Variants in PCDHA3 observed in about 807,000 individuals in gnomAD.
The protein encoded by PCDHA3 is protocadherin alpha 3, also known as protocadherin alpha-3.
Under a neutral mutation model 62.2 loss-of-function variants are expected in PCDHA3, and 41 were observed. The observed-to-expected ratio is 0.66, with a 90% CI of 0.51 to 0.86. The LOEUF (loss-of-function observed/expected upper bound fraction) is 0.86, where lower values mean the gene tolerates loss of function less well. PCDHA3 is among the 40% of genes least tolerant of loss of function. PCDHA3 has a pLI of 0.00. For missense variants in PCDHA3, 1,304 were observed against 1,241.2 expected, an observed-to-expected ratio of 1.05 and a Z score of -0.76; for synonymous variants, 640 against 555.4, an observed-to-expected ratio of 1.15 and a Z score of -2.14.
chr5:140,841,787 G>T, intron 1 of PCDHA3: 1 of 1,613,878 alleles, frequency 6.2e-7, no homozygotes, highest in Non-Finnish European at 8.5e-7. Flanking sequence ...TCCGCTAGAG[G>T]GCGCGTCCGA....
At chr5:140,894,133 A>G (rs782349927) in intron 1 of PCDHA3, among the ~76,000 whole-genome samples, 14 of 152,166 alleles carry the variant, frequency 9.2e-5, no homozygotes, top group Non-Finnish European at 1.8e-4. Flanking sequence ...ATAACTTGAA[A>G]TAATTCCCTT....
intron 1 of PCDHA3, among the ~76,000 whole-genome samples, chr5:140,970,659 T>C (rs1243959173): frequency 4.6e-5 from 7 of 152,238 alleles, no homozygotes; most frequent in Non-Finnish European, 2.9e-5. Context: ...AATTGTTATC[T>C]TTCCAAATAA....
chr5:140,952,113 G>T (rs2094688731), intron 1 of PCDHA3, among the ~76,000 whole-genome samples: 1 of 151,990 alleles, frequency 6.6e-6, no homozygotes. Flanking sequence ...TCGTGTGAGG[G>T]ATGGGCTCCC....
At chr5:140,830,057 G>A (rs2150180399) in intron 1 of PCDHA3, 3 of 1,613,632 alleles carry the variant, frequency 1.9e-6, no homozygotes, top group Non-Finnish European at 2.5e-6. Flanking sequence ...AGACCACGGT[G>A]AGCCGGCGCT....
chr5:140,962,047 C>T (rs1288087343), intron 1 of PCDHA3, among the ~76,000 whole-genome samples: 2 of 151,982 alleles, frequency 1.3e-5, no homozygotes, highest in South Asian at 2.1e-4. Context: ...CCATGCCTGG[C>T]TAATTTTTTT....
At chr5:140,811,593 T>A (rs1204851199) in intron 1 of PCDHA3, 3 of 152,262 alleles carry the variant, frequency 2.0e-5, no homozygotes, top group African/African-American at 7.2e-5. Context: ...CCACAATGGT[T>A]GAACTAGTTT....
At chr5:140,973,921 C>T (rs1407436010) in intron 1 of PCDHA3, among the ~76,000 whole-genome samples, 1 of 152,210 alleles carries the variant, frequency 6.6e-6, no homozygotes, top group Non-Finnish European at 1.5e-5. Context: ...TGTCACCAAA[C>T]CCAGAGGTTT....
intron 1 of PCDHA3, among the ~76,000 whole-genome samples, chr5:140,905,211 G>A (rs1554191947): frequency 6.6e-6 from 1 of 152,130 alleles, no homozygotes; most frequent in Non-Finnish European, 1.5e-5. Flanking sequence ...GTTGATTTTT[G>A]TGTAAGGTGA....
intron 3 of PCDHA3, among the ~76,000 whole-genome samples, chr5:140,983,911 G>A (rs546792762): frequency 6.6e-6 from 1 of 152,290 alleles, no homozygotes; most frequent in East Asian, 1.9e-4. Flanking sequence ...ATTCTAATCA[G>A]CCAGGATTTG....
Position 140,853,522 on chromosome 5 carries a change from C to T in PCDHA3, c.2394+49931C>T, listed in dbSNP as rs1217727658. Reference sequence around the variant, plus strand: ...TCATGAAACAATAATGAAGCTCCTCCTATGTCTCTTTTCAAGTTGTAATTA... The same window carrying T: ...TCATGAAACAATAATGAAGCTCCTCTTATGTCTCTTTTCAAGTTGTAATTA... On this transcript the variant is annotated intron_variant, in intron 1 of 3. Coordinates refer to ENST00000522353, the MANE Select transcript of PCDHA3 (RefSeq NM_018906.3). 4.1e-6 allele frequency: 4 copies of T among 977,898 alleles called. No homozygotes were observed. In the African/African-American group the frequency reaches 5.3e-5, roughly 13 times the overall value. The allele number at this position is 977,898 out of a possible 1,614,324, so 60.6% of individuals were successfully genotyped here.
chr5:140,877,706 T>TG (rs781796819), intron 1 of PCDHA3: 16 of 1,613,800 alleles, frequency 9.9e-6, no homozygotes, highest in Non-Finnish European at 1.4e-5. Context: ...TCCAGCGCCG[T>TG]GGGGAGTTGG....
intron 1 of PCDHA3, chr5:140,808,431 G>A (rs1554124539): frequency 6.2e-7 from 1 of 1,614,140 alleles, no homozygotes; most frequent in South Asian, 1.1e-5. Flanking sequence ...GCCCTGGACC[G>A]CGAGAGCGTG....
chr5:140,829,651 G>A (rs2150172119), intron 1 of PCDHA3: 1 of 1,612,432 alleles, frequency 6.2e-7, no homozygotes, highest in South Asian at 1.1e-5. Flanking sequence ...TGTACGCGCT[G>A]CAGCCGCTGG....
intron 1 of PCDHA3, chr5:140,850,214 T>A (rs1554143992): frequency 6.3e-7 from 1 of 1,593,328 alleles, no homozygotes; most frequent in African/African-American, 1.3e-5. Flanking sequence ...TGAGGGGCAC[T>A]GACGGCGCAG....
rs75203598 is a variant in PCDHA3, at chr5:140,915,428, C to T, written c.2395-63521C>T. 8.0e-3 allele frequency among the ~76,000 whole-genome samples: 1,217 copies of T among 152,162 alleles called. 6 individuals are homozygous for T. The highest frequency in any genetic ancestry group is 0.019 in the African/African-American group (786 of 41,514). On this transcript the variant is annotated intron_variant, in intron 1 of 3. Transcript: ENST00000522353. The stretch of plus-strand genomic sequence containing the variant: ...TCTTTGCAGTCTGGGCTTGTTTATC[C>T]CTGTCCTTCTTGAGAAGGTTTTCCA...
intron 1 of PCDHA3, chr5:140,814,803 A>C (rs1554126605): frequency 1.3e-5 from 2 of 152,094 alleles, no homozygotes; most frequent in Non-Finnish European, 2.9e-5. Context: ...ACAACACTTG[A>C]CTTTATTGTA....
chr5:140,907,158 T>C (rs1482177408), intron 1 of PCDHA3, among the ~76,000 whole-genome samples: 1 of 152,146 alleles, frequency 6.6e-6, no homozygotes, highest in Non-Finnish European at 1.5e-5. Flanking sequence ...AACAGTACCA[T>C]ATATTGGATG....
chr5:140,824,610 G>GTTTTTTTTT (rs2150135229), intron 1 of PCDHA3: 2,160 of 95,054 alleles, frequency 0.023, 363 homozygotes, highest in African/African-American at 0.035. Context: ...GCTAATTAAA[G>GTTTTTTTTT]TTTTTTTTTT....
chr5:141,010,455 T>G lies in PCDHA3; in HGVS notation c.*518T>G. The stretch of plus-strand genomic sequence containing the variant: ...AACAAAGACAAATAAACAGCGGAAG[T>G]TATCAGTATGGAGGGGAAGTGTAAA... On this transcript the variant is annotated 3_prime_UTR_variant, in exon 4 of 4. Transcript: ENST00000522353. 1 of 883,470 alleles carries G rather than the reference T, an allele frequency of 1.1e-6. No homozygotes were observed. Among genetic ancestry groups the G allele is most frequent in the South Asian group, 1.9e-5 (1 of 53,228 alleles). 54.7% of individuals were successfully genotyped at this position (883,470 alleles called of 1,614,324 possible). A position where few individuals can be genotyped will look rare whatever the true frequency, so the allele number is the denominator to read the frequency against.
Sources: gnomAD v4.1 joint callset for allele counts (sites outside exome capture counted in the v4.1 genomes callset) on GRCh38, gnomAD v4.1.1 for gene constraint, MANE v1.5 for transcripts, NCBI Gene and HGNC (gene_info 2026-07-23, HGNC 2026-07-21) for gene names.